Variants in MYO5B observed in about 807,000 individuals in gnomAD.
MYO5B encodes the protein myosin VB, also known as unconventional myosin-Vb.
A neutral mutation model predicts 229.3 loss-of-function variants in MYO5B; 143 were observed. The observed-to-expected ratio is 0.62, with a 90% CI of 0.54 to 0.72. MYO5B has a LOEUF of 0.72. MYO5B is among the 30% of genes least tolerant of loss of function. The probability of loss-of-function intolerance (pLI) is 0.00; values close to 1 mark genes in which losing one functional copy is unlikely to be tolerated. For synonymous variants in MYO5B, 918 were observed against 885.2 expected, an observed-to-expected ratio of 1.04 and a Z score of -0.66; for missense variants, 2,321 against 2,331.0, an observed-to-expected ratio of 1.00 and a Z score of 0.09.
rs545917279 is a variant in MYO5B, at chr18:49,882,901, T to C, written c.3046-2446A>G. Among the ~76,000 whole-genome samples, 15 of 152,320 alleles carry C rather than the reference T, an allele frequency of 9.8e-5. No homozygotes were observed. The South Asian group carries it at 2.9e-3, about 29-fold the overall frequency. ...CAATTCCATTCTATGAGGCCAGTGT[T>C]ACTCTGATACCAAAACCAAAGAAAT... On this transcript the variant is annotated intron_variant, in intron 22 of 39. Transcript: ENST00000285039.
In MYO5B at chr18:50,055,262, T is replaced by G. The variant is rs763107196; in HGVS notation, c.138+6A>C. ...CCCCGCCCCCCTGCCCCGGACTCAC[T>G]CTTACCGTTTCATCCTCCAGTCTGA... On this transcript the variant is annotated splice_donor_region_variant and intron_variant, in intron 2 of 39. Transcript: ENST00000285039. 6.4e-6 allele frequency: 4 copies of G among 621,756 alleles called. No homozygotes were observed. The highest frequency in any genetic ancestry group is 7.3e-6 in the Non-Finnish European group (3 of 413,106). The allele number at this position is 621,756 out of a possible 1,614,324, so 38.5% of individuals were successfully genotyped here. A position where few individuals can be genotyped will look rare whatever the true frequency, so the allele number is the denominator to read the frequency against.
chr18:49,979,079 C>T (rs1407355987), intron 9 of MYO5B, among the ~76,000 whole-genome samples: 1 of 152,190 alleles, frequency 6.6e-6, no homozygotes, highest in Non-Finnish European at 1.5e-5. Context: ...ACTCAGATTA[C>T]GGGAAGGTTT....
intron 8 of MYO5B, among the ~76,000 whole-genome samples, chr18:49,983,201 T>A (rs4939927): frequency 0.17 from 25,799 of 152,170 alleles, 2,207 homozygotes; most frequent in East Asian, 0.22. Context: ...CTCCTTTGCC[T>A]ACTGGTAGAA....
At chr18:50,055,426 G>C (rs1199494174) in intron 1 of MYO5B, 48 bp from the exon 2 acceptor site, 7 of 1,506,080 alleles carry the variant, frequency 4.6e-6, no homozygotes, top group Non-Finnish European at 5.5e-6. Flanking sequence ...AAAGCTCTCA[G>C]ATTTCTAAAT....
Position 50,045,290 on chromosome 18 carries a change from C to A in MYO5B, c.139-4976G>T, listed in dbSNP as rs541558397. 4.6e-5 allele frequency among the ~76,000 whole-genome samples: 7 copies of A among 152,272 alleles called. No individual in the cohort carries two copies. The South Asian group carries it at 1.2e-3, about 27-fold the overall frequency. On this transcript the variant is annotated intron_variant, in intron 2 of 39. Transcript: ENST00000285039. ...ACATGGCTTACAGATGAGGCTATGA[C>A]ACAGGGCTGCAAAATTACAGCTGTT...
At chr18:50,037,079 A>G (rs2026456706) in intron 3 of MYO5B, 85 bp from the exon 4 acceptor site, 3 of 1,509,240 alleles carry the variant, frequency 2.0e-6, no homozygotes, top group South Asian at 1.1e-5. Context: ...ATTCATACAC[A>G]TGCCAAAAAC....
intron 22 of MYO5B, among the ~76,000 whole-genome samples, chr18:49,885,995 G>A (rs923354312): frequency 1.3e-5 from 2 of 152,188 alleles, no homozygotes; most frequent in African/African-American, 4.8e-5. Flanking sequence ...CTGGAGTGCT[G>A]TGGTGAGATC....
At chr18:50,151,283 T>C (rs1448246795) in intron 1 of MYO5B, among the ~76,000 whole-genome samples, 1 of 152,208 alleles carries the variant, frequency 6.6e-6, no homozygotes, top group African/African-American at 2.4e-5. Flanking sequence ...ATTTCCATCA[T>C]ACTATAGCCC....
At chr18:49,969,487 G>A (rs2025663596) in intron 10 of MYO5B, among the ~76,000 whole-genome samples, 1 of 152,178 alleles carries the variant, frequency 6.6e-6, no homozygotes, top group African/African-American at 2.4e-5. Context: ...GTAACAACTT[G>A]TAAATGAATA....
intron 1 of MYO5B, among the ~76,000 whole-genome samples, chr18:50,072,305 G>A (rs1278121088): frequency 2.6e-5 from 4 of 152,190 alleles, no homozygotes; most frequent in African/African-American, 9.7e-5. Flanking sequence ...CCACAGTCTA[G>A]CTGAGGCTCT....
At position 49,825,002 on chromosome 18, in the gene MYO5B, CT is replaced by C; in HGVS notation, c.*1468del. 1 of 152,350 alleles carries C rather than the reference CT, an allele frequency of 6.6e-6. No homozygotes were observed. Among genetic ancestry groups the C allele is most frequent in the Non-Finnish European group, 1.5e-5 (1 of 68,056 alleles). The allele number at this position is 152,350 out of a possible 1,614,324, so 9.4% of individuals were successfully genotyped here. A position where few individuals can be genotyped will look rare whatever the true frequency, so the allele number is the denominator to read the frequency against. ...TGGAGTGTGCTGTGTTTCCAAGAGC[CT>C]TTTAAGTTGGGTGGTTGAGTAAAAG... On this transcript the variant is annotated 3_prime_UTR_variant, in exon 40 of 40. Transcript: ENST00000285039.
chr18:49,839,152 G>A lies in MYO5B; in HGVS notation c.4844C>T (p.Pro1615Leu), dbSNP rs776975234. Residue 1615 changes from proline to leucine, a missense_variant, in exon 36 of 40, where the codon CCG becomes CTG. Physicochemically the swap from Pro to Leu is moderately conservative, Grantham distance 98 (BLOSUM62 -3). This residue lies in a region of MYO5B where 2,113 missense variants were observed against 2,044.7 expected (regional missense o/e 1.03). Transcript: ENST00000285039. ...TCCTGCTGCCAGCTTACCTATCATC[G>A]GCTGTAACACGCCCTCGGCAATTTT... is the stretch of plus-strand genomic sequence containing the variant. ...LIKIAEGVLQPMIVSAMLENE... is the reference protein window; with the variant it reads ...LIKIAEGVLQLMIVSAMLENE... The A allele has an allele frequency of 2.3e-5, 37 of 1,613,300 alleles. No homozygotes were observed. The Middle Eastern group carries it at 5.5e-4, about 24-fold the overall frequency.
intron 4 of MYO5B, among the ~76,000 whole-genome samples, chr18:50,022,511 T>C (rs953586084): frequency 6.6e-6 from 1 of 152,222 alleles, no homozygotes; most frequent in Non-Finnish European, 1.5e-5. Context: ...ATTATTATAG[T>C]AAGAAGGCAA....
chr18:49,869,218 C>A (rs2024431127), intron 27 of MYO5B, among the ~76,000 whole-genome samples: 1 of 152,134 alleles, frequency 6.6e-6, no homozygotes, highest in African/African-American at 2.4e-5. Context: ...ACAGCGGGAG[C>A]TCACTAAATA....
At chr18:50,006,948 A>G (rs2026108632) in intron 4 of MYO5B, among the ~76,000 whole-genome samples, 1 of 152,200 alleles carries the variant, frequency 6.6e-6, no homozygotes, top group Non-Finnish European at 1.5e-5. Flanking sequence ...ACACGGCAGC[A>G]CTACTCAAAG....
At chr18:49,923,295 G>A (rs1479509824) in intron 17 of MYO5B, among the ~76,000 whole-genome samples, 1 of 152,182 alleles carries the variant, frequency 6.6e-6, no homozygotes, top group Non-Finnish European at 1.5e-5. Context: ...TCACTTCCCT[G>A]CTGGGCAGGG....
chr18:49,969,119 C>A (rs951086938), intron 10 of MYO5B, among the ~76,000 whole-genome samples: 1 of 152,146 alleles, frequency 6.6e-6, no homozygotes, highest in Admixed American at 6.5e-5. Context: ...GCATGTCCTC[C>A]CTGAAGAAGG....
At chr18:50,134,981 T>C (rs1405918178) in intron 1 of MYO5B, among the ~76,000 whole-genome samples, 2 of 152,234 alleles carry the variant, frequency 1.3e-5, no homozygotes, top group African/African-American at 4.8e-5. Context: ...AACTGTTTGT[T>C]ATACAGGCTG....
At chr18:49,849,800 G>A in intron 31 of MYO5B, 140 bp from the exon 32 acceptor site, 1 of 743,808 alleles carries the variant, frequency 1.3e-6, no homozygotes, top group South Asian at 1.4e-5. Flanking sequence ...ACGCTGCCAG[G>A]AGAGCTGCTC....
Sources: gnomAD v4.1 joint callset for allele counts (sites outside exome capture counted in the v4.1 genomes callset) on GRCh38, gnomAD v4.1.1 for gene constraint, gnomAD v4.1.1 regional missense constraint, MANE v1.5 for transcripts, NCBI Gene and HGNC (gene_info 2026-07-23, HGNC 2026-07-21) for gene names.